The following SDR39U1 variants were observed in gnomAD, a reference collection of about 807,000 sequenced individuals.
The protein encoded by SDR39U1 is epimerase family protein SDR39U1.
In SDR39U1, 29 loss-of-function variants were observed where a neutral mutation model predicts 31.7. That is an observed-to-expected ratio of 0.92 (90% CI 0.68 to 1.25). SDR39U1 has a LOEUF of 1.25. SDR39U1 is among the 50% of genes most tolerant of loss of function. The pLI, the probability that SDR39U1 is intolerant of heterozygous loss-of-function variation, is 0.00. For synonymous variants in SDR39U1, 147 were observed against 159.0 expected (o/e 0.92, Z 0.57); for missense variants, 403 against 378.4 (o/e 1.06, Z -0.54).
Position 24,440,405 on chromosome 14 carries a change from T to C in SDR39U1, c.560A>G (p.His187Arg), listed in dbSNP as rs771499741. 28 of 1,613,672 alleles carry C rather than the reference T, an allele frequency of 1.7e-5. No individual in the cohort carries two copies. The African/African-American group carries it at 3.3e-4, about 19-fold the overall frequency. Reference sequence around the variant, plus strand: ...GATGTGTATCCAGGGGAAGAATTGGTGGCCTGAGCCGATGGGGCCCCCCAG... The same window carrying C: ...GATGTGTATCCAGGGGAAGAATTGGCGGCCTGAGCCGATGGGGCCCCCCAG... ...LGLGGPIGSG[H>R]QFFPWIHIGD... The change falls in exon 6 of 6, where the codon CAC (histidine) becomes CGC (arginine). Residue 187 changes from histidine (H) to arginine (R), a missense_variant. His to Arg is a conservative substitution (Grantham distance 29, BLOSUM62 0). Coordinates refer to ENST00000399395, the MANE Select transcript of SDR39U1 (RefSeq NM_020195.3).
Position 24,442,104 on chromosome 14 carries a change from C to T in SDR39U1, c.206+74G>A. 3 of 1,560,646 alleles carry T rather than the reference C, an allele frequency of 1.9e-6. No homozygotes were observed. In the South Asian group the frequency reaches 3.5e-5, roughly 18 times the overall value. On this transcript the variant is annotated intron_variant, in intron 3 of 5. Transcript: ENST00000399395. ...AATCTGGGAGCTCCATTACCCATAG[C>T]TCACAGGTTCTCATCAGTGGGGCAC... is the stretch of plus-strand genomic sequence containing the variant.
In SDR39U1 at chr14:24,440,880, T is replaced by C. The variant is rs761380326; in HGVS notation, c.375A>G (p.Pro125=). The part of the protein sequence containing the change: ...SLTAEYDEDS[P]GGDFDFFSNL... ...TGGAGAAAAAGTCAAAGTCCCCTCC[T>C]GGGCTGTCTTCATCATACTCCGCAG... is the stretch of plus-strand genomic sequence containing the variant. The change falls in exon 5 of 6, where the codon CCA becomes CCG. Residue 125 remains proline (P), a synonymous_variant. Transcript: ENST00000399395. The C allele has an allele frequency of 1.4e-5, 23 of 1,613,908 alleles. No homozygotes were observed. Among genetic ancestry groups the C allele is most frequent in the Non-Finnish European group, 1.9e-5 (22 of 1,179,896 alleles).
At chr14:24,441,894 G>T in intron 3 of SDR39U1, 99 bp from the exon 4 acceptor site, 1 of 1,479,968 alleles carries the variant, frequency 6.8e-7, no homozygotes, top group Non-Finnish European at 9.2e-7. Flanking sequence ...CCAATTTCTT[G>T]TAAAGCCCTG....
chr14:24,440,077 ACC>A lies in SDR39U1; in HGVS notation c.*4_*5del. 4 of 1,585,584 alleles carry A rather than the reference ACC, an allele frequency of 2.5e-6. No individual in the cohort carries two copies. Among genetic ancestry groups the A allele is most frequent in the Non-Finnish European group, 3.4e-6 (4 of 1,161,598 alleles). ...GAACAGGCCTCAGGCCCTTGCCACGACCTACTTAGGCTACAATTTCCTTTAAG... is the reference window on the plus strand; with the variant it reads ...GAACAGGCCTCAGGCCCTTGCCACGATACTTAGGCTACAATTTCCTTTAAG... On this transcript the variant is annotated 3_prime_UTR_variant, in exon 6 of 6. Transcript: ENST00000399395.
At chr14:24,441,088 A>C (rs976930204) in intron 4 of SDR39U1, 162 bp from the exon 5 acceptor site, 2 of 775,544 alleles carry the variant, frequency 2.6e-6, no homozygotes, top group African/African-American at 3.7e-5. Context: ...CATGACCTGA[A>C]GCGTTCCTTC....
chr14:24,440,774 G>C lies in SDR39U1; in HGVS notation c.472+9C>G. On this transcript the variant is annotated intron_variant, in intron 5 of 5. Transcript: ENST00000399395. The stretch of plus-strand genomic sequence containing the variant: ...CCAACCCTGTCTGATACCCAGGCCC[G>C]TTTCTCACCTGAGCGCACCACCACC... The C allele has an allele frequency of 6.2e-7, 1 of 1,613,560 alleles. No homozygotes were observed.
intron 4 of SDR39U1, 117 bp from the exon 5 acceptor site, chr14:24,441,043 CAG>C: frequency 8.9e-7 from 1 of 1,127,896 alleles, no homozygotes; most frequent in Non-Finnish European, 1.3e-6. Flanking sequence ...CATTTGGAGA[CAG>C]AGCCATTTGG....
In SDR39U1 at chr14:24,440,122, G is replaced by T. The variant is rs746078446; in HGVS notation, c.843C>A (p.Phe281Leu). Residue 281 changes from phenylalanine (F) to leucine (L), a missense_variant, in exon 6 of 6, where the codon TTC becomes TTA. Phe to Leu is a conservative substitution (Grantham distance 22). Coordinates refer to ENST00000399395, the MANE Select transcript of SDR39U1 (RefSeq NM_020195.3). ...CCTTTAAGGCAGCCCCTAGCTCTGG[G>T]AAGGAATACTGGTAGCCAGTGGCCA... ...RTLATGYQYS[F>L]PELGAALKEI... The T allele has an allele frequency of 1.9e-6, 3 of 1,611,096 alleles. No individual in the cohort carries two copies. The highest frequency in any genetic ancestry group is 3.3e-5 in the Admixed American group (2 of 59,898).
In SDR39U1 at chr14:24,440,116, C is replaced by T. The variant is rs1566505158; in HGVS notation, c.849G>A (p.Glu283=). 1.9e-6 allele frequency: 3 copies of T among 1,609,924 alleles called. No individual in the cohort carries two copies. Among genetic ancestry groups the T allele is most frequent in the East Asian group, 2.2e-5 (1 of 44,754 alleles). Reference sequence around the variant, plus strand: ...CAATTTCCTTTAAGGCAGCCCCTAGCTCTGGGAAGGAATACTGGTAGCCAG... The same window carrying T: ...CAATTTCCTTTAAGGCAGCCCCTAGTTCTGGGAAGGAATACTGGTAGCCAG... The part of the protein sequence containing the change: ...LATGYQYSFP[E]LGAALKEIVA The change falls in exon 6 of 6, where the codon GAG becomes GAA. Residue 283 remains glutamate, a synonymous_variant. Coordinates refer to ENST00000399395, the MANE Select transcript of SDR39U1 (RefSeq NM_020195.3).
chr14:24,439,855 AG>A lies in SDR39U1; in HGVS notation c.*227del. On this transcript the variant is annotated 3_prime_UTR_variant, in exon 6 of 6. Coordinates refer to ENST00000399395, the MANE Select transcript of SDR39U1 (RefSeq NM_020195.3). ...AGTGGGGCAGCTGCAGGACATGTAG[AG>A]AAACCAAACTGGGAAATCTTACAAG... 2.0e-6 allele frequency: 1 copy of A among 497,256 alleles called. No homozygotes were observed. Among genetic ancestry groups the A allele is most frequent in the Non-Finnish European group, 3.6e-6 (1 of 281,284 alleles). The allele number at this position is 497,256 out of a possible 1,614,324, so 30.8% of individuals were successfully genotyped here. A position where few individuals can be genotyped will look rare whatever the true frequency, so the allele number is the denominator to read the frequency against.
Position 24,440,324 on chromosome 14 carries a change from AC to A in SDR39U1, c.640del (p.Val214SerfsTer2). ...GGAGGATGGAGCCACTCCATTCAGG[AC>A]CCCGTGCACGTGGTTTGCTTCAAGG... is the stretch of plus-strand genomic sequence containing the variant. ...HALEANHVHG[V>X]LNGVAPSSAT... On this transcript the variant is annotated frameshift_variant, in exon 6 of 6. Coordinates refer to ENST00000399395, the MANE Select transcript of SDR39U1 (RefSeq NM_020195.3). LOFTEE classifies it high-confidence loss of function. The A allele has an allele frequency of 6.2e-7, 1 of 1,613,776 alleles. No individual in the cohort carries two copies. Among genetic ancestry groups the A allele is most frequent in the African/African-American group, 1.3e-5 (1 of 74,934 alleles).
Position 24,440,014 on chromosome 14 carries a change from T to G in SDR39U1, c.*69A>C. 89 of 1,333,912 alleles carry G rather than the reference T, an allele frequency of 6.7e-5. No homozygotes were observed. The highest frequency in any genetic ancestry group is 2.1e-4 in the Middle Eastern group (1 of 4,832). The allele number at this position is 1,333,912 out of a possible 1,614,324, so 82.6% of individuals were successfully genotyped here. A position where few individuals can be genotyped will look rare whatever the true frequency, so the allele number is the denominator to read the frequency against. Reference sequence around the variant, plus strand: ...GATGGCTTCAGCTCTCTAGAGGAGCTGAGCCTATTCACAGTGCCTAACCTG... The same window carrying G: ...GATGGCTTCAGCTCTCTAGAGGAGCGGAGCCTATTCACAGTGCCTAACCTG... On this transcript the variant is annotated 3_prime_UTR_variant, in exon 6 of 6. Coordinates refer to ENST00000399395, the MANE Select transcript of SDR39U1 (RefSeq NM_020195.3).
Position 24,440,472 on chromosome 14 carries a change from C to T in SDR39U1, c.493G>A (p.Gly165Ser), listed in dbSNP as rs779252325. Residue 165 changes from glycine (G) to serine (S), a missense_variant, in exon 6 of 6, where the codon GGT becomes AGT. Transcript: ENST00000399395. ...VRSGVVLGRG[G>S]GAMGHMLLPF... Reference sequence around the variant, plus strand: ...AGCAGCATGTGGCCCATGGCACCACCCCCACGGCCCAGCACAACCCCTAGA... The same window carrying T: ...AGCAGCATGTGGCCCATGGCACCACTCCCACGGCCCAGCACAACCCCTAGA... 1.9e-6 allele frequency: 3 copies of T among 1,607,456 alleles called. No homozygotes were observed. Among genetic ancestry groups the T allele is most frequent in the Non-Finnish European group, 2.5e-6 (3 of 1,176,972 alleles).
chr14:24,440,629 T>G, intron 5 of SDR39U1, 137 bp from the exon 6 acceptor site: 2 of 1,350,568 alleles, frequency 1.5e-6, no homozygotes. Flanking sequence ...AGTATGGCTG[T>G]CTTTAAGACC....
In SDR39U1 at chr14:24,440,489, A is replaced by G; in HGVS notation, c.476T>C (p.Val159Ala). Residue 159 changes from valine to alanine, a missense_variant, in exon 6 of 6, where the codon GTT becomes GCT. Coordinates refer to ENST00000399395, the MANE Select transcript of SDR39U1 (RefSeq NM_020195.3). Reference sequence around the variant, plus strand: ...GGCACCACCCCCACGGCCCAGCACAACCCCTAGAGCAGGAAAGAGGGAAGG... The same window carrying G: ...GGCACCACCCCCACGGCCCAGCACAGCCCCTAGAGCAGGAAAGAGGGAAGG... ...STRQVVVRSGVVLGRGGGAMG... is the reference protein window; with the variant it reads ...STRQVVVRSGAVLGRGGGAMG... The G allele has an allele frequency of 1.2e-6, 2 of 1,602,630 alleles. No individual in the cohort carries two copies. Among genetic ancestry groups the G allele is most frequent in the Non-Finnish European group, 1.7e-6 (2 of 1,174,636 alleles).
chr14:24,441,596 G>A, intron 4 of SDR39U1, 78 bp downstream of exon 4: 1 of 1,239,164 alleles, frequency 8.1e-7, no homozygotes, highest in Non-Finnish European at 1.1e-6. Context: ...CAGTGCTCTG[G>A]TGTGTGCATA....
In SDR39U1 at chr14:24,440,007, G is replaced by A. The variant is rs1174125411; in HGVS notation, c.*76C>T. On this transcript the variant is annotated 3_prime_UTR_variant, in exon 6 of 6. Coordinates refer to ENST00000399395, the MANE Select transcript of SDR39U1 (RefSeq NM_020195.3). ...AGAACCAGATGGCTTCAGCTCTCTA[G>A]AGGAGCTGAGCCTATTCACAGTGCC... 1 of 1,242,592 alleles carries A rather than the reference G, an allele frequency of 8.0e-7. No homozygotes were observed. Among genetic ancestry groups the A allele is most frequent in the Non-Finnish European group, 1.1e-6 (1 of 899,798 alleles). 77.0% of individuals were successfully genotyped at this position (1,242,592 alleles called of 1,614,324 possible).
Position 24,439,970 on chromosome 14 carries a change from G to A in SDR39U1, c.*113C>T. 1.2e-6 allele frequency: 1 copy of A among 801,824 alleles called. No individual in the cohort carries two copies. Among genetic ancestry groups the A allele is most frequent in the Non-Finnish European group, 1.9e-6 (1 of 517,304 alleles). 49.7% of individuals were successfully genotyped at this position (801,824 alleles called of 1,614,324 possible). On this transcript the variant is annotated 3_prime_UTR_variant, in exon 6 of 6. Coordinates refer to ENST00000399395, the MANE Select transcript of SDR39U1 (RefSeq NM_020195.3). ...ACAGAACAATGGGAAAGAGGACTGG[G>A]AGAGGAATCTAAGAACCAGATGGCT...
Position 24,440,031 on chromosome 14 carries a change from C to G in SDR39U1, c.*52G>C. On this transcript the variant is annotated 3_prime_UTR_variant, in exon 6 of 6. Transcript: ENST00000399395. ...AGAGGAGCTGAGCCTATTCACAGTGCCTAACCTGGAAGCCTGTGAGGAACA... is the reference window on the plus strand; with the variant it reads ...AGAGGAGCTGAGCCTATTCACAGTGGCTAACCTGGAAGCCTGTGAGGAACA... 6.7e-7 allele frequency: 1 copy of G among 1,485,202 alleles called. No homozygotes were observed. Among genetic ancestry groups the G allele is most frequent in the Non-Finnish European group, 9.1e-7 (1 of 1,099,532 alleles). The allele number at this position is 1,485,202 out of a possible 1,614,324, so 92.0% of individuals were successfully genotyped here.
Sources: gnomAD v4.1 joint callset for allele counts on GRCh38, gnomAD v4.1.1 for gene constraint, MANE v1.5 for transcripts, NCBI Gene and HGNC (gene_info 2026-07-23, HGNC 2026-07-21) for gene names.